Variants in ROCK1 observed in about 807,000 individuals in gnomAD.
ROCK1 encodes Rho associated coiled-coil containing protein kinase 1.
ROCK1 carries 36 observed loss-of-function variants against 196.8 expected under a neutral mutation model. That is an observed-to-expected ratio of 0.18 (90% CI 0.14 to 0.24). The LOEUF is 0.24. Among genes scored for constraint, ROCK1 ranks in the 10% least tolerant of loss-of-function variants. ROCK1 has a pLI of 1.00. For missense variants in ROCK1, 920 were observed against 1,562.0 expected (o/e 0.59, Z 6.93); for synonymous variants, 443 against 515.9 (o/e 0.86, Z 1.91).
At chr18:20,964,711 T>G (rs965151299) in intron 27 of ROCK1, among the ~76,000 whole-genome samples, 3 of 152,200 alleles carry the variant, frequency 2.0e-5, no homozygotes, top group Non-Finnish European at 4.4e-5. Context: ...TACACTAATA[T>G]TCTAAGAAAT....
At chr18:21,108,550 T>G (rs1401542623) in intron 1 of ROCK1, among the ~76,000 whole-genome samples, 1 of 152,206 alleles carries the variant, frequency 6.6e-6, no homozygotes, top group Non-Finnish European at 1.5e-5. Flanking sequence ...CACAAGCAAT[T>G]TCCAAACCTG....
At chr18:21,066,204 C>T (rs973287749) in intron 2 of ROCK1, among the ~76,000 whole-genome samples, 1 of 151,864 alleles carries the variant, frequency 6.6e-6, no homozygotes, top group African/African-American at 2.4e-5. Context: ...AACACAATGC[C>T]AGTAATTGAA....
intron 13 of ROCK1, among the ~76,000 whole-genome samples, chr18:21,013,270 G>A (rs1347301739): frequency 6.6e-6 from 1 of 152,138 alleles, no homozygotes; most frequent in Non-Finnish European, 1.5e-5. Context: ...GAAACTAAGG[G>A]GGTGCTGCCT....
intron 22 of ROCK1, among the ~76,000 whole-genome samples, chr18:20,971,337 C>T (rs1049676369): frequency 3.1e-4 from 29 of 92,854 alleles, no homozygotes; most frequent in East Asian, 1.4e-3. Context: ...CACACACACA[C>T]ACACACATAC....
intron 19 of ROCK1, among the ~76,000 whole-genome samples, chr18:20,986,653 CTT>C (rs962660818): frequency 6.6e-6 from 1 of 151,464 alleles, no homozygotes; most frequent in African/African-American, 2.4e-5. Flanking sequence ...ATAATAAAGA[CTT>C]TTTTTTTCTT....
intron 1 of ROCK1, among the ~76,000 whole-genome samples, chr18:21,102,370 ACTC>A (rs1476632681): frequency 6.6e-6 from 1 of 151,582 alleles, no homozygotes; most frequent in Non-Finnish European, 1.5e-5. Context: ...ACCATACCCC[ACTC>A]CTATCTTAGT....
At chr18:21,035,715 T>C (rs2036051222) in intron 9 of ROCK1, among the ~76,000 whole-genome samples, 1 of 152,156 alleles carries the variant, frequency 6.6e-6, no homozygotes, top group South Asian at 2.1e-4. Context: ...AACGGATAAA[T>C]GGATAAACAA....
chr18:20,947,590 G>A lies in ROCK1; in HGVS notation c.*3794C>T, dbSNP rs1485814879. On this transcript the variant is annotated 3_prime_UTR_variant, in exon 33 of 33. Coordinates refer to ENST00000399799, the MANE Select transcript of ROCK1 (RefSeq NM_005406.3). ...GGTGGCCTACACCTGTAATGAGAGA[G>A]TAAAACTGCTTGAGGCTAGGAGTTA... 6.6e-6 allele frequency: 1 copy of A among 152,056 alleles called. No homozygotes were observed. The highest frequency in any genetic ancestry group is 6.6e-5 in the Admixed American group (1 of 15,252). 9.4% of individuals were successfully genotyped at this position (152,056 alleles called of 1,614,324 possible). A position where few individuals can be genotyped will look rare whatever the true frequency, so the allele number is the denominator to read the frequency against.
At chr18:21,019,382 T>C (rs1181268721) in intron 12 of ROCK1, among the ~76,000 whole-genome samples, 1 of 152,210 alleles carries the variant, frequency 6.6e-6, no homozygotes, top group Non-Finnish European at 1.5e-5. Flanking sequence ...CTTGAACTCC[T>C]GCCCTCACGT....
intron 10 of ROCK1, among the ~76,000 whole-genome samples, chr18:21,025,635 C>T (rs1414211992): frequency 6.6e-6 from 1 of 152,144 alleles, no homozygotes; most frequent in Non-Finnish European, 1.5e-5. Flanking sequence ...TACTCAGAGG[C>T]TGAGGCACAA....
rs369862630 is a variant in ROCK1 at position 21,020,357 on chromosome 18, CTCTT to C, written c.1273-122_1273-119del. 1.0e-3 allele frequency: 491 copies of C among 476,470 alleles called. 2 individuals carry two copies. In the East Asian group the frequency reaches 0.011, roughly 11 times the overall value. The allele number at this position is 476,470 out of a possible 1,614,324, so 29.5% of individuals were successfully genotyped here. A position where few individuals can be genotyped will look rare whatever the true frequency, so the allele number is the denominator to read the frequency against. ...AGAAAATAATTTAATTTAATCTTAC[CTCTT>C]TCTATCTCAATTTTTTTATTATTAA... On this transcript the variant is annotated intron_variant, in intron 11 of 32. Coordinates refer to ENST00000399799, the MANE Select transcript of ROCK1 (RefSeq NM_005406.3).
At chr18:21,018,480 C>T (rs1020817964) in intron 12 of ROCK1, among the ~76,000 whole-genome samples, 1 of 149,902 alleles carries the variant, frequency 6.7e-6, no homozygotes, top group Admixed American at 6.7e-5. Context: ...CAGTGAGCCG[C>T]GATCGCGCCA....
intron 1 of ROCK1, among the ~76,000 whole-genome samples, chr18:21,096,003 AT>A (rs1448826383): frequency 1.3e-5 from 2 of 151,972 alleles, no homozygotes; most frequent in African/African-American, 2.4e-5. Context: ...AAAAAAAAAA[AT>A]AAGAGTAGAA....
intron 9 of ROCK1, among the ~76,000 whole-genome samples, chr18:21,032,506 G>GTTTTTTTTTT (rs368055407): frequency 4.6e-5 from 6 of 129,254 alleles, no homozygotes; most frequent in African/African-American, 1.8e-4. Context: ...AAATAGGAAA[G>GTTTTTTTTTT]TTTTTTTTTT....
chr18:21,028,013 G>A (rs540961294), intron 10 of ROCK1, among the ~76,000 whole-genome samples: 159 of 146,952 alleles, frequency 1.1e-3, no homozygotes, highest in South Asian at 7.6e-3. Flanking sequence ...CGCCCGCCTC[G>A]GCCTCCCAAA....
intron 4 of ROCK1, 48 bp from the exon 5 acceptor site, chr18:21,045,515 A>G: frequency 7.1e-7 from 1 of 1,411,724 alleles, no homozygotes; most frequent in South Asian, 1.5e-5. Context: ...AATGTTAAAC[A>G]AAATTGTTTC....
Position 21,111,123 on chromosome 18 carries a change from G to A in ROCK1, c.-213C>T, listed in dbSNP as rs1172073031. On this transcript the variant is annotated 5_prime_UTR_variant, in exon 1 of 33. Coordinates refer to ENST00000399799, the MANE Select transcript of ROCK1 (RefSeq NM_005406.3). This position sits in a 1 kb window ranked among gnomAD's most constrained non-coding sequence, Gnocchi z 4.2. Reference sequence around the variant, plus strand: ...GGCAACAGCGACCCACAGCCGCTCGGACGCCCAAAGTCGCATCCCACCCGG... The same window carrying A: ...GGCAACAGCGACCCACAGCCGCTCGAACGCCCAAAGTCGCATCCCACCCGG... 1.0e-5 allele frequency: 6 copies of A among 576,942 alleles called. No individual in the cohort carries two copies. In the African/African-American group the frequency reaches 1.1e-4, roughly 11 times the overall value. The allele number at this position is 576,942 out of a possible 1,614,324, so 35.7% of individuals were successfully genotyped here.
chr18:21,109,351 A>C (rs1598566554), intron 1 of ROCK1, among the ~76,000 whole-genome samples: 1 of 152,248 alleles, frequency 6.6e-6, no homozygotes, highest in South Asian at 2.1e-4. Context: ...AAAGAAAAAG[A>C]AAGCTACTAA....
intron 19 of ROCK1, among the ~76,000 whole-genome samples, chr18:20,985,473 T>C (rs575560072): frequency 3.9e-4 from 60 of 152,338 alleles, no homozygotes; most frequent in African/African-American, 1.4e-3. Flanking sequence ...TGTCATACTC[T>C]TAGCAAGGCC....
Sources: gnomAD v4.1 joint callset for allele counts (sites outside exome capture counted in the v4.1 genomes callset) on GRCh38, gnomAD v4.1.1 for gene constraint, Gnocchi (gnomAD v3.1) non-coding constraint, MANE v1.5 for transcripts, NCBI Gene and HGNC (gene_info 2026-07-23, HGNC 2026-07-21) for gene names.